Variants in MLLT1 observed in about 807,000 individuals in gnomAD.
The protein encoded by MLLT1 is MLLT1 super elongation complex subunit, also known as protein ENL.
Under a neutral mutation model 55.1 loss-of-function variants are expected in MLLT1, and 11 were observed. The observed-to-expected ratio is 0.20, with a 90% CI of 0.13 to 0.33. MLLT1 has a LOEUF of 0.33. Among genes scored for constraint, MLLT1 ranks in the 10% least tolerant of loss-of-function variants. The pLI is 1.00. For synonymous variants in MLLT1, 323 were observed against 320.1 expected (o/e 1.01, Z -0.10); for missense variants, 536 against 760.6 (o/e 0.70, Z 3.47).
At chr19:6,253,657 A>G (rs559410254) in intron 3 of MLLT1, among the ~76,000 whole-genome samples, 1 of 152,212 alleles carries the variant, frequency 6.6e-6, no homozygotes, top group South Asian at 2.1e-4. Context: ...CAGGAATGCA[A>G]GGCGGCAGGG....
chr19:6,267,239 C>T (rs1302407643), intron 2 of MLLT1, among the ~76,000 whole-genome samples: 4 of 151,940 alleles, frequency 2.6e-5, no homozygotes, highest in Non-Finnish European at 5.9e-5. Context: ...GTAGCTGGGA[C>T]TAAAGGCATG....
intron 3 of MLLT1, among the ~76,000 whole-genome samples, chr19:6,234,170 G>A (rs888295822): frequency 6.6e-6 from 1 of 152,234 alleles, no homozygotes; most frequent in Non-Finnish European, 1.5e-5. Context: ...CCAGGAGCAC[G>A]CGTGGCCTCA....
intron 1 of MLLT1, among the ~76,000 whole-genome samples, chr19:6,276,738 T>A (rs1174206248): frequency 6.6e-6 from 1 of 151,274 alleles, no homozygotes; most frequent in African/African-American, 2.4e-5. Flanking sequence ...AACTCGCTCA[T>A]CCCCCTGCCA....
rs767630598 is a variant in MLLT1, at chr19:6,213,967, G to C, written c.1379C>G (p.Pro460Arg). 3 of 1,459,602 alleles carry C rather than the reference G, an allele frequency of 2.1e-6. No homozygotes were observed. Among genetic ancestry groups the C allele is most frequent in the East Asian group, 4.9e-5 (2 of 40,894 alleles). 90.4% of individuals were successfully genotyped at this position (1,459,602 alleles called of 1,614,324 possible). A position where few individuals can be genotyped will look rare whatever the true frequency, so the allele number is the denominator to read the frequency against. ...GCTGTTGGGCGGGGGTGGCTTCTGG[G>C]GGGGTGGGGGCTCACGGCTGGGCAG... ...SSLPSREPPP[P>R]QKPPPPNSKV... Residue 460 changes from proline (P) to arginine (R), a missense_variant, in exon 9 of 12, where the codon CCC becomes CGC. This residue lies in a region of MLLT1 where 449 missense variants were observed against 489.0 expected (regional missense o/e 0.92). Coordinates refer to ENST00000252674, the MANE Select transcript of MLLT1 (RefSeq NM_005934.4).
chr19:6,218,039 A>T lies in MLLT1; in HGVS notation c.1113T>A (p.Ser371=). The change falls in exon 7 of 12, where the codon TCT becomes TCA. Residue 371 remains serine (S), a splice_region_variant and synonymous_variant. Transcript: ENST00000252674. ...SEDEASFKSE[S]AQSSPSNSSS... is the part of the protein sequence containing the mutation. ...TGGAGTTGGACGGGCTTGACTGGGC[A>T]GACTTCACCCAATGGTGGGATGGGC... 1 of 1,608,700 alleles carries T rather than the reference A, an allele frequency of 6.2e-7. No individual in the cohort carries two copies. The highest frequency in any genetic ancestry group is 8.5e-7 in the Non-Finnish European group (1 of 1,177,498).
intron 6 of MLLT1, among the ~76,000 whole-genome samples, chr19:6,220,409 C>T (rs976084512): frequency 9.2e-5 from 14 of 152,248 alleles, no homozygotes; most frequent in African/African-American, 3.1e-4. Context: ...TCTCAGCACG[C>T]GGGGCGCTCT....
At position 6,213,165 on chromosome 19, in the gene MLLT1, C is replaced by T; in HGVS notation, c.1557G>A (p.Val519=). ...AGTGGCCAGTCTCCTCGATCAGATT[C>T]ACAATCTGTAAGGTGGTGGCAGGTG... is the stretch of plus-strand genomic sequence containing the variant. The part of the protein sequence containing the change: ...LRERNVLQQI[V]NLIEETGHFN... Residue 519 remains valine (V), a synonymous_variant, in exon 12 of 12, where the codon GTG becomes GTA. Transcript: ENST00000252674. 6.2e-7 allele frequency: 1 copy of T among 1,613,984 alleles called. No individual in the cohort carries two copies. The highest frequency in any genetic ancestry group is 8.5e-7 in the Non-Finnish European group (1 of 1,179,888).
rs780857233 is a variant in MLLT1, at chr19:6,273,551, C to G, written c.13-2792G>C. Among the ~76,000 whole-genome samples the G allele has an allele frequency of 3.3e-5, 5 of 152,190 alleles. No homozygotes were observed. Among genetic ancestry groups the G allele is most frequent in the Non-Finnish European group, 7.3e-5 (5 of 68,030 alleles). ...GCACGAGTGTCTGCCTGAACACCAC[C>G]GCATTCCAACAAACCCAAAACAACA... On this transcript the variant is annotated intron_variant, in intron 1 of 11. Transcript: ENST00000252674. The surrounding 1 kb of genome is among the most constrained non-coding windows in gnomAD (Gnocchi z 4.3).
In MLLT1 at chr19:6,210,882, C is replaced by T. The variant is rs2090761133; in HGVS notation, c.*2160G>A. 1 of 230,408 alleles carries T rather than the reference C, an allele frequency of 4.3e-6. No individual in the cohort carries two copies. The highest frequency in any genetic ancestry group is 8.6e-6 in the Non-Finnish European group (1 of 116,376). The allele number at this position is 230,408 out of a possible 1,614,324, so 14.3% of individuals were successfully genotyped here. On this transcript the variant is annotated 3_prime_UTR_variant, in exon 12 of 12. Transcript: ENST00000252674. The surrounding 1 kb of genome is among the most constrained non-coding windows in gnomAD (Gnocchi z 4.6). Reference sequence around the variant, plus strand: ...GGAGCCAGCCCTGGGCCCAGAGCAGCTCTGGAGGACAACGTGAGGCCTTCC... The same window carrying T: ...GGAGCCAGCCCTGGGCCCAGAGCAGTTCTGGAGGACAACGTGAGGCCTTCC...
intron 8 of MLLT1, 109 bp downstream of exon 8, chr19:6,216,296 A>AG: frequency 1.3e-6 from 1 of 798,918 alleles, no homozygotes; most frequent in Admixed American, 2.2e-5. Flanking sequence ...TGGCCCTCCC[A>AG]GGGGACCCTC....
chr19:6,236,395 G>C (rs2091061337), intron 3 of MLLT1, among the ~76,000 whole-genome samples: 1 of 152,212 alleles, frequency 6.6e-6, no homozygotes, highest in South Asian at 2.1e-4. Flanking sequence ...AGCAGAGCCA[G>C]CGCACCCCGG....
At chr19:6,265,333 A>T (rs992033845) in intron 2 of MLLT1, among the ~76,000 whole-genome samples, 5 of 152,136 alleles carry the variant, frequency 3.3e-5, no homozygotes, top group African/African-American at 9.7e-5. Context: ...CAAAATCTAA[A>T]ATGCTCCAGT....
Position 6,226,880 on chromosome 19 carries a change from C to G in MLLT1, c.546+97G>C. 9.5e-7 allele frequency: 1 copy of G among 1,053,720 alleles called. No individual in the cohort carries two copies. Among genetic ancestry groups the G allele is most frequent in the Non-Finnish European group, 1.3e-6 (1 of 770,352 alleles). The allele number at this position is 1,053,720 out of a possible 1,614,324, so 65.3% of individuals were successfully genotyped here. On this transcript the variant is annotated intron_variant, in intron 5 of 11. Transcript: ENST00000252674. The surrounding 1 kb of genome is among the most constrained non-coding windows in gnomAD (Gnocchi z 6.3). ...AAGACGCCAAGGGAGCGAGCAGGTG[C>G]GGAAGGCCCAGCCCAGTGGAGGGAG... is the stretch of plus-strand genomic sequence containing the variant.
At position 6,227,129 on chromosome 19, in the gene MLLT1, A is replaced by AT. The variant is rs746237637; in HGVS notation, c.421-28dup. The AT allele has an allele frequency of 1.3e-6, 2 of 1,581,338 alleles. No homozygotes were observed. The highest frequency in any genetic ancestry group is 1.7e-6 in the Non-Finnish European group (2 of 1,166,942). The stretch of plus-strand genomic sequence containing the variant: ...TAGTGACAGAGAAGAGACAGTCATT[A>AT]TCGATGGGCAGGGGGCAGGGGGCCC... On this transcript the variant is annotated intron_variant, in intron 4 of 11. Transcript: ENST00000252674. This position sits in a 1 kb window ranked among gnomAD's most constrained non-coding sequence, Gnocchi z 5.1.
rs574347219 is a variant in MLLT1 at position 6,222,907 on chromosome 19, T to C, written c.547-223A>G. Among the ~76,000 whole-genome samples the C allele has an allele frequency of 2.0e-5, 3 of 152,332 alleles. No homozygotes were observed. The South Asian group carries it at 6.2e-4, about 32-fold the overall frequency. On this transcript the variant is annotated intron_variant, in intron 5 of 11. Transcript: ENST00000252674. This position sits in a 1 kb window ranked among gnomAD's most constrained non-coding sequence, Gnocchi z 4.1. Reference sequence around the variant, plus strand: ...GAAGTGTCAGCTGGTCCCCGGCAGCTGCAGGCTAAGATTCCCCTCAGAATT... The same window carrying C: ...GAAGTGTCAGCTGGTCCCCGGCAGCCGCAGGCTAAGATTCCCCTCAGAATT...
At chr19:6,233,663 C>T (rs1018093367) in intron 3 of MLLT1, among the ~76,000 whole-genome samples, 5 of 152,268 alleles carry the variant, frequency 3.3e-5, no homozygotes, top group African/African-American at 1.2e-4. Context: ...GTGGGGGCGG[C>T]TTCCACCACA....
At chr19:6,253,975 C>G (rs2091238854) in intron 3 of MLLT1, among the ~76,000 whole-genome samples, 1 of 152,152 alleles carries the variant, frequency 6.6e-6, no homozygotes, top group African/African-American at 2.4e-5. Context: ...ACAAAGGCCT[C>G]TAAGATCCTT....
rs928827048 is a variant in MLLT1 at position 6,265,038 on chromosome 19, C to CAAAAAAAAA, written c.194-2737_194-2729dup. ...AAATGTCACAAAACATAGTGAACAG[C>CAAAAAAAAA]AAAAAAAAAACAAAAAAACAAAAAA... is the stretch of plus-strand genomic sequence containing the variant. On this transcript the variant is annotated intron_variant, in intron 2 of 11. Transcript: ENST00000252674. 3.0e-3 allele frequency among the ~76,000 whole-genome samples: 64 copies of CAAAAAAAAA among 21,136 alleles called. 1 individual carries two copies. The highest frequency in any genetic ancestry group is 0.023 in the Middle Eastern group (1 of 44). The allele number at this position is 21,136 out of a possible 152,430, so 13.9% of individuals were successfully genotyped here. A position where few individuals can be genotyped will look rare whatever the true frequency, so the allele number is the denominator to read the frequency against.
At chr19:6,274,141 C>T (rs1185898820) in intron 1 of MLLT1, among the ~76,000 whole-genome samples, 3 of 152,228 alleles carry the variant, frequency 2.0e-5, no homozygotes, top group Non-Finnish European at 2.9e-5. Flanking sequence ...ATGCGAAGTT[C>T]GGGTGCCCGG....
Sources: gnomAD v4.1 joint callset for allele counts (sites outside exome capture counted in the v4.1 genomes callset) on GRCh38, gnomAD v4.1.1 for gene constraint, gnomAD v4.1.1 regional missense constraint, Gnocchi (gnomAD v3.1) non-coding constraint, MANE v1.5 for transcripts, NCBI Gene and HGNC (gene_info 2026-07-23, HGNC 2026-07-21) for gene names.